PC: variants seen among roughly 807,000 people sequenced by gnomAD.
PC encodes the protein pyruvate carboxylase, also known as pyruvate carboxylase, mitochondrial.
In PC, 46 loss-of-function variants were observed where a neutral mutation model predicts 107.8. The observed-to-expected ratio is 0.43, with a 90% CI of 0.34 to 0.55. The LOEUF is 0.55. PC is among the 20% of genes least tolerant of loss of function. The pLI is 0.04. For synonymous variants in PC, 662 were observed against 684.7 expected, an observed-to-expected ratio of 0.97 and a Z score of 0.52; for missense variants, 1,241 against 1,643.1, an observed-to-expected ratio of 0.76 and a Z score of 4.23.
chr11:66,916,771 G>A (rs1374124002), intron 3 of PC, among the ~76,000 whole-genome samples: 7 of 151,910 alleles, frequency 4.6e-5, no homozygotes, highest in South Asian at 2.1e-4. Flanking sequence ...TGGCTAACAC[G>A]GTGAAACCCC....
intron 3 of PC, chr11:66,934,615 C>T (rs570367020): frequency 3.9e-5 from 6 of 153,254 alleles, no homozygotes; most frequent in South Asian, 2.1e-4. Flanking sequence ...TGCCACTCCC[C>T]GGTAATTCCC....
intron 3 of PC, among the ~76,000 whole-genome samples, chr11:66,909,834 G>T (rs1259330592): frequency 6.6e-6 from 1 of 152,140 alleles, no homozygotes; most frequent in Non-Finnish European, 1.5e-5. Context: ...AGGGAAAAGG[G>T]AAGAGAGTGG....
chr11:66,944,988 A>G (rs1949250989), intron 3 of PC, among the ~76,000 whole-genome samples: 1 of 118,034 alleles, frequency 8.5e-6, no homozygotes, highest in Non-Finnish European at 1.9e-5. Flanking sequence ...ATTTGATGGC[A>G]ATGGGCTCTC....
rs536311692 is a variant in PC at position 66,850,938 on chromosome 11, A to G, written c.2224-15T>C. The G allele has an allele frequency of 1.0e-5, 12 of 1,171,994 alleles. No individual in the cohort carries two copies. The highest frequency in any genetic ancestry group is 3.4e-5 in the East Asian group (1 of 29,322). The allele number at this position is 1,171,994 out of a possible 1,614,324, so 72.6% of individuals were successfully genotyped here. The stretch of plus-strand genomic sequence containing the variant: ...CCGGCCATGTCCTGGGGGAAGTGGG[A>G]GAGAGAGAGAGAGAGATGGTAGAGA... On this transcript the variant is annotated splice_polypyrimidine_tract_variant and intron_variant, in intron 17 of 22. Coordinates refer to ENST00000393960, the MANE Select transcript of PC (RefSeq NM_001040716.2).
intron 3 of PC, among the ~76,000 whole-genome samples, chr11:66,939,834 CAAG>C (rs1949085109): frequency 1.1e-5 from 1 of 92,582 alleles, no homozygotes; most frequent in African/African-American, 4.1e-5. Context: ...AAACCAAAAA[CAAG>C]AAAAAACAAA....
chr11:66,937,031 T>TG (rs1949017959), intron 3 of PC, among the ~76,000 whole-genome samples: 1 of 151,964 alleles, frequency 6.6e-6, no homozygotes, highest in Non-Finnish European at 1.5e-5. Flanking sequence ...TTGGTAGAGA[T>TG]GGGGGTTTCG....
Position 66,863,973 on chromosome 11 carries a change from G to C in PC, c.1186-17C>G. 7 of 1,613,458 alleles carry C rather than the reference G, an allele frequency of 4.3e-6. No homozygotes were observed. Among genetic ancestry groups the C allele is most frequent in the Non-Finnish European group, 5.9e-6 (7 of 1,179,946 alleles). ...CCGGAACACCTGTGGGAAGGGTGAG[G>C]CGTGAGGACCTGCGCCAGAAACTGC... On this transcript the variant is annotated splice_polypyrimidine_tract_variant and intron_variant, in intron 11 of 22. Coordinates refer to ENST00000393960, the MANE Select transcript of PC (RefSeq NM_001040716.2).
intron 3 of PC, among the ~76,000 whole-genome samples, chr11:66,926,300 A>G (rs1005264226): frequency 1.3e-5 from 2 of 152,238 alleles, no homozygotes; most frequent in African/African-American, 4.8e-5. Context: ...TGGAACAGAA[A>G]GTAATTATCT....
At chr11:66,882,765 G>A (rs768785769) in intron 3 of PC, among the ~76,000 whole-genome samples, 14 of 152,170 alleles carry the variant, frequency 9.2e-5, no homozygotes, top group African/African-American at 1.4e-4. Context: ...GGATGGGGCC[G>A]CTCTCCCCAG....
chr11:66,907,780 G>A (rs1948212026), intron 3 of PC: 1 of 152,280 alleles, frequency 6.6e-6, no homozygotes, highest in Admixed American at 6.5e-5. Context: ...CCCCTACCCA[G>A]GACAAAGTGC....
At chr11:66,874,928 C>T (rs1403472304) in intron 3 of PC, among the ~76,000 whole-genome samples, 2 of 152,102 alleles carry the variant, frequency 1.3e-5, no homozygotes, top group Non-Finnish European at 2.9e-5. Context: ...GAGAAGTCGG[C>T]CACGCACAGA....
At position 66,863,867 on chromosome 11, in the gene PC, C is replaced by T. The variant is rs1450593737; in HGVS notation, c.1275G>A (p.Leu425=). 5 of 1,614,032 alleles carry T rather than the reference C, an allele frequency of 3.1e-6. No individual in the cohort carries two copies. The East Asian group carries it at 6.7e-5, about 22-fold the overall frequency. ...GAVISPHYDS[L]LVKVIAHGKD... Reference sequence around the variant, plus strand: ...TGCCGTGGGCAATGACTTTGACCAGCAGGGAGTCGTAGTGGGGCGAGATGA... The same window carrying T: ...TGCCGTGGGCAATGACTTTGACCAGTAGGGAGTCGTAGTGGGGCGAGATGA... Residue 425 remains leucine, a synonymous_variant, in exon 12 of 23, where the codon CTG becomes CTA. Transcript: ENST00000393960.
intron 3 of PC, among the ~76,000 whole-genome samples, chr11:66,951,790 T>G (rs1217010338): frequency 6.6e-6 from 1 of 151,290 alleles, no homozygotes; most frequent in Non-Finnish European, 1.5e-5. Flanking sequence ...CTCGGGAGGC[T>G]GAGGCAGGAG....
In PC at chr11:66,871,535, G is replaced by A. The variant is rs1946732860; in HGVS notation, c.322-55C>T. The A allele has an allele frequency of 7.5e-6, 12 of 1,607,020 alleles. No individual in the cohort carries two copies. The highest frequency in any genetic ancestry group is 3.3e-4 in the Middle Eastern group (2 of 6,078). ...ACCTTGCAGTCCCTTCCAAGGCCTCGGCCAGCCTCTTCCCCTGCCTAACCT... is the reference window on the plus strand; with the variant it reads ...ACCTTGCAGTCCCTTCCAAGGCCTCAGCCAGCCTCTTCCCCTGCCTAACCT... On this transcript the variant is annotated intron_variant, in intron 5 of 22. Transcript: ENST00000393960. The surrounding 1 kb of genome is among the most constrained non-coding windows in gnomAD (Gnocchi z 7.4).
intron 10 of PC, among the ~76,000 whole-genome samples, chr11:66,867,884 G>T (rs368850267): frequency 6.6e-6 from 1 of 152,228 alleles, no homozygotes; most frequent in Non-Finnish European, 1.5e-5. Flanking sequence ...CAGCCACCCC[G>T]ACAGCATCCT....
At position 66,871,665 on chromosome 11, in the gene PC, C is replaced by G; in HGVS notation, c.321+22G>C. The G allele has an allele frequency of 6.4e-7, 1 of 1,562,720 alleles. No homozygotes were observed. The highest frequency in any genetic ancestry group is 8.7e-7 in the Non-Finnish European group (1 of 1,153,530). ...ACTCCCTGGTCCCTGCTGTCCAGGC[C>G]CAGCCAGGCCACTGGGCTCACCTTG... is the stretch of plus-strand genomic sequence containing the variant. On this transcript the variant is annotated intron_variant, in intron 5 of 22. Transcript: ENST00000393960. The surrounding 1 kb of genome is among the most constrained non-coding windows in gnomAD (Gnocchi z 7.4).
At chr11:66,949,119 A>G (rs911866742) in intron 3 of PC, among the ~76,000 whole-genome samples, 2 of 151,036 alleles carry the variant, frequency 1.3e-5, no homozygotes, top group Non-Finnish European at 3.0e-5. Flanking sequence ...CAGCCTCCCA[A>G]GTAGCTGGGA....
At chr11:66,946,283 T>C (rs977393834) in intron 3 of PC, among the ~76,000 whole-genome samples, 6 of 151,748 alleles carry the variant, frequency 4.0e-5, no homozygotes, top group Non-Finnish European at 8.8e-5. Flanking sequence ...GATCGCATGA[T>C]AGCAGTTTGA....
chr11:66,954,089 G>A (rs1949500848), intron 2 of PC, among the ~76,000 whole-genome samples, 160 bp downstream of exon 2: 1 of 152,192 alleles, frequency 6.6e-6, no homozygotes, highest in African/African-American at 2.4e-5. Context: ...ATAAAGTCCT[G>A]TGTCTCGAAG....
Sources: gnomAD v4.1 joint callset for allele counts (sites outside exome capture counted in the v4.1 genomes callset) on GRCh38, gnomAD v4.1.1 for gene constraint, Gnocchi (gnomAD v3.1) non-coding constraint, MANE v1.5 for transcripts, NCBI Gene and HGNC (gene_info 2026-07-23, HGNC 2026-07-21) for gene names.